RTN4R: variants seen among roughly 807,000 people sequenced by gnomAD.
RTN4R encodes reticulon 4 receptor, also known as reticulon-4 receptor.
RTN4R carries 4 observed loss-of-function variants against 27.7 expected under a neutral mutation model. The ratio of observed to expected loss-of-function variants is 0.14; its 90% CI spans 0.07 to 0.33. The LOEUF (loss-of-function observed/expected upper bound fraction) is 0.33, where lower values mean the gene tolerates loss of function less well. Ranked by LOEUF, RTN4R falls within the 10% of genes least tolerant of loss-of-function variation. The pLI is 1.00. For missense variants in RTN4R, 554 were observed against 671.5 expected (o/e 0.83, Z 1.93); for synonymous variants, 290 against 305.6 (o/e 0.95, Z 0.53).
intron 1 of RTN4R, among the ~76,000 whole-genome samples, chr22:20,244,767 G>A (rs2051130152): frequency 6.6e-6 from 1 of 152,132 alleles, no homozygotes; most frequent in African/African-American, 2.4e-5. Context: ...CTGTCCTGGG[G>A]CCAGGTGGGG....
intron 1 of RTN4R, among the ~76,000 whole-genome samples, chr22:20,244,381 G>A (rs896424503): frequency 4.6e-5 from 7 of 152,184 alleles, no homozygotes; most frequent in African/African-American, 9.7e-5. Context: ...CAGTGCAGTC[G>A]CCCTAAACGC....
chr22:20,262,036 G>A (rs994925621), intron 1 of RTN4R, among the ~76,000 whole-genome samples: 14 of 152,346 alleles, frequency 9.2e-5, no homozygotes, highest in East Asian at 1.9e-4. Flanking sequence ...GCAGGGAGCC[G>A]GGGCCGGCTG....
Position 20,255,242 on chromosome 22 carries a change from G to A in RTN4R, c.23-12132C>T, listed in dbSNP as rs1161321283. ...TATTTTTTAAAACAACTGCATATGT[G>A]GCACTAAAATCTCAGAAAACAGATA... is the stretch of plus-strand genomic sequence containing the variant. On this transcript the variant is annotated intron_variant, in intron 1 of 1. Coordinates refer to ENST00000043402, the MANE Select transcript of RTN4R (RefSeq NM_023004.6). This position sits in a 1 kb window ranked among gnomAD's most constrained non-coding sequence, Gnocchi z 4.8. 1.3e-5 allele frequency among the ~76,000 whole-genome samples: 2 copies of A among 152,170 alleles called. No homozygotes were observed. Among genetic ancestry groups the A allele is most frequent in the Admixed American group, 1.3e-4 (2 of 15,274 alleles).
chr22:20,267,599 G>A (rs1335694367), intron 1 of RTN4R: 3 of 469,384 alleles, frequency 6.4e-6, no homozygotes, highest in South Asian at 4.6e-5. Flanking sequence ...TCATCCCACT[G>A]TGGACTGACC....
At chr22:20,262,213 G>A (rs1403933663) in intron 1 of RTN4R, among the ~76,000 whole-genome samples, 2 of 152,200 alleles carry the variant, frequency 1.3e-5, no homozygotes, top group South Asian at 2.1e-4. Flanking sequence ...CGGAGGATGT[G>A]ACACTAGCAG....
intron 1 of RTN4R, among the ~76,000 whole-genome samples, chr22:20,253,122 G>A (rs1257466043): frequency 3.9e-5 from 6 of 152,202 alleles, no homozygotes; most frequent in Non-Finnish European, 7.3e-5. Context: ...CTGCTTTATT[G>A]AGGAGATATG....
In RTN4R at chr22:20,241,865, T is replaced by C. The variant is rs2051108433; in HGVS notation, c.1268A>G (p.Asn423Ser). 2.5e-6 allele frequency: 4 copies of C among 1,609,676 alleles called. No individual in the cohort carries two copies. The highest frequency in any genetic ancestry group is 3.4e-6 in the Non-Finnish European group (4 of 1,178,924). ...CAGACGGCAGTGGCTGCGGGTGCGGTTCTTGCGTGAACAGCCTGGCCTCCG... is the reference window on the plus strand; with the variant it reads ...CAGACGGCAGTGGCTGCGGGTGCGGCTCTTGCGTGAACAGCCTGGCCTCCG... ...PRRRPGCSRKNRTRSHCRLGQ... is the reference protein window; with the variant it reads ...PRRRPGCSRKSRTRSHCRLGQ... Residue 423 changes from asparagine (N) to serine (S), a missense_variant, in exon 2 of 2, where the codon AAC (asparagine) becomes AGC (serine). Coordinates refer to ENST00000043402, the MANE Select transcript of RTN4R (RefSeq NM_023004.6).
chr22:20,261,722 C>T (rs959248954), intron 1 of RTN4R, among the ~76,000 whole-genome samples: 3 of 152,260 alleles, frequency 2.0e-5, no homozygotes, highest in Non-Finnish European at 2.9e-5. Flanking sequence ...TGGGCCCTCC[C>T]TCCCTGCCAG....
chr22:20,248,946 A>G (rs947888179), intron 1 of RTN4R, among the ~76,000 whole-genome samples: 8 of 151,656 alleles, frequency 5.3e-5, no homozygotes, highest in Admixed American at 4.6e-4. Context: ...CTGGAGGTGC[A>G]CCCTCCTCGG....
intron 1 of RTN4R, among the ~76,000 whole-genome samples, chr22:20,252,666 C>G (rs7292462): frequency 0.2 from 29,691 of 152,164 alleles, 3,164 homozygotes; most frequent in South Asian, 0.27. Flanking sequence ...CCCTGAGCCC[C>G]AGGGATGACA....
In RTN4R at chr22:20,253,956, C is replaced by T. The variant is rs370890149; in HGVS notation, c.23-10846G>A. On this transcript the variant is annotated intron_variant, in intron 1 of 1. Coordinates refer to ENST00000043402, the MANE Select transcript of RTN4R (RefSeq NM_023004.6). ...ATTTGGGAGACAAATATAGGTTGAACATCCAAGGGGAGTTCCAGAAGAGAA... is the reference window on the plus strand; with the variant it reads ...ATTTGGGAGACAAATATAGGTTGAATATCCAAGGGGAGTTCCAGAAGAGAA... 1.6e-3 allele frequency among the ~76,000 whole-genome samples: 242 copies of T among 152,176 alleles called. 6 individuals carry two copies. The South Asian group carries it at 0.05, about 31-fold the overall frequency.
intron 1 of RTN4R, among the ~76,000 whole-genome samples, chr22:20,246,591 C>A (rs1422418942): frequency 6.6e-6 from 1 of 152,174 alleles, no homozygotes; most frequent in Non-Finnish European, 1.5e-5. Flanking sequence ...GCAGCTCACC[C>A]CAGCAGCCCA....
Position 20,268,135 on chromosome 22 carries a change from C to T in RTN4R, c.-43G>A. The T allele has an allele frequency of 9.5e-7, 1 of 1,053,104 alleles. No individual in the cohort carries two copies. The allele number at this position is 1,053,104 out of a possible 1,614,324, so 65.2% of individuals were successfully genotyped here. Reference sequence around the variant, plus strand: ...GCGCGTCGGGGACTGAAAGTCGTTTCGGGGCGGGCGCCCGTCTCCCCGCGG... The same window carrying T: ...GCGCGTCGGGGACTGAAAGTCGTTTTGGGGCGGGCGCCCGTCTCCCCGCGG... On this transcript the variant is annotated 5_prime_UTR_variant, in exon 1 of 2. Transcript: ENST00000043402.
chr22:20,267,398 G>C (rs1437724387), intron 1 of RTN4R, among the ~76,000 whole-genome samples: 2 of 152,176 alleles, frequency 1.3e-5, no homozygotes, highest in Admixed American at 1.3e-4. Context: ...CGGTGGGGCG[G>C]GGGAGTCCCA....
rs116729469 is a variant in RTN4R at position 20,253,319 on chromosome 22, G to A, written c.23-10209C>T. Among the ~76,000 whole-genome samples the A allele has an allele frequency of 9.2e-3, 1,394 of 152,280 alleles. 18 individuals carry two copies. The highest frequency in any genetic ancestry group is 0.032 in the African/African-American group (1,324 of 41,538). On this transcript the variant is annotated intron_variant, in intron 1 of 1. Transcript: ENST00000043402. Reference sequence around the variant, plus strand: ...AGAGACCCGGCCTGTGCTCAGAGTCGAGTTGCTGTGGCTTCTCATGCAACA... The same window carrying A: ...AGAGACCCGGCCTGTGCTCAGAGTCAAGTTGCTGTGGCTTCTCATGCAACA...
intron 1 of RTN4R, among the ~76,000 whole-genome samples, chr22:20,263,701 C>A (rs1282902137): frequency 6.6e-6 from 1 of 152,254 alleles, no homozygotes; most frequent in African/African-American, 2.4e-5. Flanking sequence ...ACATGGGGAC[C>A]CTGGCCTGTG....
At chr22:20,246,995 T>C (rs776658581) in intron 1 of RTN4R, among the ~76,000 whole-genome samples, 5 of 152,200 alleles carry the variant, frequency 3.3e-5, no homozygotes, top group Non-Finnish European at 7.3e-5. Flanking sequence ...ACACTCACAG[T>C]GCTGCCCGGA....
chr22:20,245,434 T>G (rs1194238446), intron 1 of RTN4R, among the ~76,000 whole-genome samples: 1 of 152,090 alleles, frequency 6.6e-6, no homozygotes, highest in Non-Finnish European at 1.5e-5. Flanking sequence ...AAACCCAACT[T>G]TGCAGCATGG....
chr22:20,252,522 G>A (rs144010825), intron 1 of RTN4R, among the ~76,000 whole-genome samples: 234 of 152,304 alleles, frequency 1.5e-3, no homozygotes, highest in Non-Finnish European at 2.9e-3. Flanking sequence ...CACTGACTGA[G>A]GCAAGTGCCT....
Sources: gnomAD v4.1 joint callset for allele counts (sites outside exome capture counted in the v4.1 genomes callset) on GRCh38, gnomAD v4.1.1 for gene constraint, Gnocchi (gnomAD v3.1) non-coding constraint, MANE v1.5 for transcripts, NCBI Gene and HGNC (gene_info 2026-07-23, HGNC 2026-07-21) for gene names.